The following ARSG variants were observed in gnomAD, a reference collection of about 807,000 sequenced individuals.
ARSG encodes the protein arylsulfatase G, also known as ASG.
Under a neutral mutation model 50.5 loss-of-function variants are expected in ARSG, and 37 were observed. That is an observed-to-expected ratio of 0.73 (90% CI 0.56 to 0.96). ARSG has a LOEUF of 0.96. Among genes scored for constraint, ARSG ranks in the 50% least tolerant of loss-of-function variants. ARSG has a pLI of 0.00. For missense variants in ARSG, 629 were observed against 675.3 expected (o/e 0.93, Z 0.76); for synonymous variants, 225 against 254.6 (o/e 0.88, Z 1.11).
At chr17:68,426,254 G>GGGGGGGGGGGCCCCCCCCC, downstream of ARSG, 1 of 816,910 alleles carries the variant, frequency 1.2e-6, no homozygotes. Context: ...GGGAGCGGGG[G>GGGGGGGGGGGCCCCCCCCC]CTCAAATAAA....
In ARSG at chr17:68,399,202, G is replaced by A. The variant is rs773337226; in HGVS notation, c.1213-2158G>A. Among the ~76,000 whole-genome samples, 2 of 152,128 alleles carry A rather than the reference G, an allele frequency of 1.3e-5. No homozygotes were observed. Among genetic ancestry groups the A allele is most frequent in the African/African-American group, 2.4e-5 (1 of 41,416 alleles). On this transcript the variant is annotated intron_variant, in intron 10 of 11. Transcript: ENST00000621439. This position sits in a 1 kb window ranked among gnomAD's most constrained non-coding sequence, Gnocchi z 4.6. ...CTGAGTTTTAATGTCCAGAAAGAAC[G>A]CTGATCACTTCTCTTAGGGAGGCCC... is the stretch of plus-strand genomic sequence containing the variant.
intron 8 of ARSG, among the ~76,000 whole-genome samples, chr17:68,375,682 G>A (rs2080109156): frequency 6.6e-6 from 1 of 152,198 alleles, no homozygotes; most frequent in Admixed American, 6.5e-5. Context: ...GGTGATTTGT[G>A]TTTTGAAGAA....
chr17:68,414,409 T>C (rs147577641), intron 11 of ARSG, among the ~76,000 whole-genome samples: 2,319 of 152,330 alleles, frequency 0.015, 27 homozygotes, highest in Non-Finnish European at 0.02. Flanking sequence ...ATCTTTTTGA[T>C]ATGTTGTTGG....
intron 11 of ARSG, among the ~76,000 whole-genome samples, chr17:68,418,243 G>A (rs2082517034): frequency 6.6e-6 from 1 of 152,176 alleles, no homozygotes; most frequent in Non-Finnish European, 1.5e-5. Context: ...CTAATCAGTA[G>A]TCAGTTCCCT....
In ARSG at chr17:68,420,707, G is replaced by C; in HGVS notation, c.*244G>C. The stretch of plus-strand genomic sequence containing the variant: ...GGGAAGCACACGGGCTTTGGAGTCA[G>C]GCACAGGTGCCAGCTCCAGCTTTTG... On this transcript the variant is annotated 3_prime_UTR_variant, in exon 12 of 12. Transcript: ENST00000621439. The C allele has an allele frequency of 1.9e-6, 1 of 522,092 alleles. No individual in the cohort carries two copies. Among genetic ancestry groups the C allele is most frequent in the African/African-American group, 1.9e-5 (1 of 52,416 alleles). 32.3% of individuals were successfully genotyped at this position (522,092 alleles called of 1,614,324 possible).
upstream of ARSG, among the ~76,000 whole-genome samples, chr17:68,290,572 G>A (rs532736619): frequency 1.8e-4 from 27 of 152,308 alleles, no homozygotes; most frequent in South Asian, 5.4e-3. Context: ...CCGCCGCAGG[G>A]AGTGCTGTGT....
At chr17:68,347,942 C>T (rs8077698) in intron 4 of ARSG, among the ~76,000 whole-genome samples, 5,261 of 152,206 alleles carry the variant, frequency 0.035, 278 homozygotes, top group African/African-American at 0.12. Flanking sequence ...CTATGGAAAA[C>T]GGCTGAATTG....
chr17:68,384,714 A>G (rs2080612707), intron 8 of ARSG, among the ~76,000 whole-genome samples: 2 of 152,124 alleles, frequency 1.3e-5, no homozygotes, highest in African/African-American at 2.4e-5. Flanking sequence ...GCTAAGCCCC[A>G]CTATGTCTTA....
intron 3 of ARSG, among the ~76,000 whole-genome samples, chr17:68,345,750 G>A (rs1214596538): frequency 2.0e-5 from 3 of 152,050 alleles, no homozygotes; most frequent in African/African-American, 7.3e-5. Context: ...ATGTTTCCAT[G>A]TCATATAATT....
downstream of ARSG, chr17:68,426,250 G>GGGGGGGGT: frequency 9.7e-6 from 8 of 828,054 alleles, 1 homozygote; most frequent in South Asian, 5.3e-5. Flanking sequence ...GGTGGGGAGC[G>GGGGGGGGT]GGGGCTCAAA....
chr17:68,303,323 G>A (rs1442589093), intron 1 of ARSG, among the ~76,000 whole-genome samples: 7 of 152,036 alleles, frequency 4.6e-5, no homozygotes, highest in Admixed American at 1.3e-4. Context: ...ATCAGGTCTC[G>A]CCATCTTGCC....
At chr17:68,402,045 T>G (rs764628787) in intron 11 of ARSG, among the ~76,000 whole-genome samples, 15 of 152,216 alleles carry the variant, frequency 9.9e-5, no homozygotes, top group Admixed American at 2.0e-4. Context: ...AAGTCTCCTC[T>G]TCCTTGGTCT....
intron 6 of ARSG, chr17:68,359,830 C>T (rs1373375087): frequency 1.3e-5 from 2 of 152,182 alleles, no homozygotes; most frequent in African/African-American, 4.8e-5. Context: ...AAGGGTTTAT[C>T]AGGACTTTCT....
intron 9 of ARSG, among the ~76,000 whole-genome samples, chr17:68,394,766 CA>C (rs2081158124): frequency 6.6e-6 from 1 of 152,178 alleles, no homozygotes; most frequent in African/African-American, 2.4e-5. Context: ...ATTAAAATAT[CA>C]TACCCATCTT....
chr17:68,329,821 T>A (rs2077652316), intron 2 of ARSG, among the ~76,000 whole-genome samples: 1 of 152,058 alleles, frequency 6.6e-6, no homozygotes, highest in Non-Finnish European at 1.5e-5. Flanking sequence ...CTAAAAAAAA[T>A]CACAAAAAAA....
chr17:68,309,076 G>A (rs183784824), intron 2 of ARSG, among the ~76,000 whole-genome samples: 5 of 152,364 alleles, frequency 3.3e-5, no homozygotes, highest in Admixed American at 2.0e-4. Flanking sequence ...GCTAAGGCTC[G>A]GTGAGAAATC....
the ARSG span, chr17:68,430,158 C>T: frequency 6.8e-6 from 11 of 1,611,852 alleles, no homozygotes; most frequent in South Asian, 6.6e-5. Context: ...CTCTTCTGGT[C>T]GACTAGGGAG....
chr17:68,334,411 A>G (rs2077920051), intron 2 of ARSG, among the ~76,000 whole-genome samples: 1 of 152,038 alleles, frequency 6.6e-6, no homozygotes, highest in South Asian at 2.1e-4. Context: ...GTAGCACCCC[A>G]TTTATTCTTT....
intron 6 of ARSG, among the ~76,000 whole-genome samples, chr17:68,363,274 T>A (rs2079382625): frequency 6.6e-6 from 1 of 152,020 alleles, no homozygotes; most frequent in African/African-American, 2.4e-5. Flanking sequence ...AGAATACTGC[T>A]GAGAGAGGAA....
Sources: allele counts gnomAD v4.1 joint callset (sites outside exome capture counted in the v4.1 genomes callset), GRCh38; gene constraint gnomAD v4.1.1; non-coding constraint Gnocchi (gnomAD v3.1); transcripts MANE v1.5; gene names NCBI Gene and HGNC (gene_info 2026-07-23, HGNC 2026-07-21).